C12orf42: variants seen among roughly 807,000 people sequenced by gnomAD.
C12orf42 encodes the protein uncharacterized protein C12orf42.
A neutral mutation model predicts 21.6 loss-of-function variants in C12orf42; 25 were observed. That is an observed-to-expected ratio of 1.16 (90% CI 0.84 to 1.62). The LOEUF (loss-of-function observed/expected upper bound fraction) is 1.62, where lower values mean the gene tolerates loss of function less well. Ranked by LOEUF, C12orf42 falls within the 40% of genes most tolerant of loss-of-function variation. The pLI is 0.00. For missense variants in C12orf42, 483 were observed against 459.3 expected, an observed-to-expected ratio of 1.05 and a Z score of -0.47; for synonymous variants, 174 against 175.0, an observed-to-expected ratio of 0.99 and a Z score of 0.05.
In C12orf42 at chr12:103,280,624, A is replaced by AC. The variant is rs2036054856; in HGVS notation, n.338-3415_338-3414insG. 4.7e-5 allele frequency among the ~76,000 whole-genome samples: 6 copies of AC among 127,744 alleles called. No individual in the cohort carries two copies. In the Admixed American group the frequency reaches 4.9e-4, roughly 10 times the overall value. 83.8% of individuals were successfully genotyped at this position (127,744 alleles called of 152,430 possible). A position where few individuals can be genotyped will look rare whatever the true frequency, so the allele number is the denominator to read the frequency against. ...ACAGAGTGAGACTCCATCTCCACACAAAAAAAATCTTGAATGGTAGGGGAG... is the reference window on the plus strand; with the variant it reads ...ACAGAGTGAGACTCCATCTCCACACACAAAAAAATCTTGAATGGTAGGGGAG... On this transcript the variant is annotated intron_variant and non_coding_transcript_variant, in intron 4 of 6. Transcript: ENST00000546526.
chr12:103,533,693 T>G, the C12orf42 span, among the ~76,000 whole-genome samples: 2 of 152,250 alleles, frequency 1.3e-5, no homozygotes, highest in Admixed American at 6.5e-5. Context: ...GCAACTTGAT[T>G]TTGGTGATTC....
intron 4 of C12orf42, among the ~76,000 whole-genome samples, chr12:103,318,590 T>C (rs77672017): frequency 0.017 from 2,581 of 152,304 alleles, 96 homozygotes; most frequent in African/African-American, 0.059. Context: ...TGTATTTTCC[T>C]GACAAAGAAT....
At chr12:103,329,460 A>T (rs2041021233) in intron 4 of C12orf42, among the ~76,000 whole-genome samples, 1 of 152,156 alleles carries the variant, frequency 6.6e-6, no homozygotes, top group Non-Finnish European at 1.5e-5. Flanking sequence ...CAACAGATTG[A>T]TAGGTGCAGC....
intron 2 of C12orf42, among the ~76,000 whole-genome samples, chr12:103,438,662 T>C (rs1457894216): frequency 1.3e-5 from 2 of 151,928 alleles, no homozygotes; most frequent in East Asian, 3.8e-4. Flanking sequence ...TCACAGTTGC[T>C]TCAAAGAGAA....
chr12:103,471,528 A>AT (rs1291234613), intron 2 of C12orf42, among the ~76,000 whole-genome samples: 2 of 152,234 alleles, frequency 1.3e-5, no homozygotes, highest in Non-Finnish European at 2.9e-5. Context: ...TAGCATCTTG[A>AT]TTGTATGAGG....
the C12orf42 span, among the ~76,000 whole-genome samples, chr12:103,158,835 G>A: frequency 3.3e-4 from 49 of 149,550 alleles, no homozygotes; most frequent in Middle Eastern, 3.5e-3. Context: ...AGCCGAGATC[G>A]TGCCACTGCA....
At chr12:103,210,917 G>A in the C12orf42 span, among the ~76,000 whole-genome samples, 1 of 152,112 alleles carries the variant, frequency 6.6e-6, no homozygotes, top group South Asian at 2.1e-4. Flanking sequence ...CTTGAGCCCA[G>A]GAGTTCGAGT....
rs367931321 is a variant in C12orf42, at chr12:103,307,872, A to G, written c.260-1527T>C. 1.6e-4 allele frequency among the ~76,000 whole-genome samples: 24 copies of G among 152,274 alleles called. No homozygotes were observed. The South Asian group carries it at 5.0e-3, about 32-fold the overall frequency. ...TGCTGTGAAAGGGATGAAAAGATGC[A>G]AGATTCATTTGCCTTTATCTTATTA... On this transcript the variant is annotated intron_variant, in intron 4 of 5. Coordinates refer to ENST00000548883, the MANE Select transcript of C12orf42 (RefSeq NM_198521.5).
chr12:103,095,176 C>T, the C12orf42 span, among the ~76,000 whole-genome samples: 4 of 152,134 alleles, frequency 2.6e-5, no homozygotes, highest in Non-Finnish European at 5.9e-5. Context: ...TCTATTTCAA[C>T]ACAGCAGCTG....
intron 2 of C12orf42, among the ~76,000 whole-genome samples, chr12:103,426,046 C>T (rs769627171): frequency 9.2e-5 from 14 of 152,158 alleles, no homozygotes; most frequent in Non-Finnish European, 8.8e-5. Context: ...AAAACCAGAA[C>T]GCCTCTTCTC....
downstream of C12orf42, chr12:103,268,292 G>T (rs1482568660): frequency 6.6e-6 from 1 of 151,956 alleles, no homozygotes; most frequent in Non-Finnish European, 1.5e-5. Flanking sequence ...GAAGGCAGGG[G>T]TCCTGTCTCA....
intron 1 of C12orf42, among the ~76,000 whole-genome samples, chr12:103,487,785 T>C (rs748274347): frequency 6.6e-6 from 1 of 152,130 alleles, no homozygotes; most frequent in Non-Finnish European, 1.5e-5. Context: ...AACCCCTCCT[T>C]TTTTTTGCTT....
intron 2 of C12orf42, among the ~76,000 whole-genome samples, chr12:103,433,162 T>C (rs986557512): frequency 2.0e-5 from 3 of 152,188 alleles, no homozygotes; most frequent in African/African-American, 7.2e-5. Context: ...CCTAGCACAA[T>C]TCCTGGCCCT....
chr12:103,228,834 C>T, the C12orf42 span, among the ~76,000 whole-genome samples: 2 of 151,598 alleles, frequency 1.3e-5, no homozygotes, highest in East Asian at 3.9e-4. Flanking sequence ...TGATCTCACC[C>T]TGTGTAGGGT....
chr12:103,307,655 A>G lies in C12orf42; in HGVS notation c.260-1310T>C, dbSNP rs550953092. Among the ~76,000 whole-genome samples, 5 of 152,168 alleles carry G rather than the reference A, an allele frequency of 3.3e-5. No homozygotes were observed. The East Asian group carries it at 7.7e-4, about 24-fold the overall frequency. On this transcript the variant is annotated intron_variant, in intron 4 of 5. Transcript: ENST00000548883. The stretch of plus-strand genomic sequence containing the variant: ...AGAAGCAAATCTGGCTTCTTAGCCA[A>G]TTTGGTAGTGGGTTGGTTATGGGAG...
chr12:103,335,240 T>C (rs886751098), intron 4 of C12orf42, among the ~76,000 whole-genome samples: 1 of 152,018 alleles, frequency 6.6e-6, no homozygotes, highest in African/African-American at 2.4e-5. Context: ...AAGAGGAGAG[T>C]ATAAATTATA....
intron 10 of C12orf42, among the ~76,000 whole-genome samples, chr12:103,250,305 T>C (rs539027064): frequency 6.6e-6 from 1 of 152,202 alleles, no homozygotes; most frequent in African/African-American, 2.4e-5. Flanking sequence ...CTCTCTTCCA[T>C]GTTGGCTCCT....
chr12:103,298,482 C>A (rs541366835), downstream of C12orf42, among the ~76,000 whole-genome samples: 1 of 152,156 alleles, frequency 6.6e-6, no homozygotes, highest in Non-Finnish European at 1.5e-5. Context: ...AAGAACATTC[C>A]ATGCTCATGG....
At chr12:103,521,431 C>A in the C12orf42 span, among the ~76,000 whole-genome samples, 1 of 152,124 alleles carries the variant, frequency 6.6e-6, no homozygotes, top group African/African-American at 2.4e-5. Flanking sequence ...ACCACAGGAA[C>A]AGAAAACCAA....
Sources: allele counts gnomAD v4.1 joint callset (sites outside exome capture counted in the v4.1 genomes callset), GRCh38; gene constraint gnomAD v4.1.1; transcripts MANE v1.5; gene names NCBI Gene and HGNC (gene_info 2026-07-23, HGNC 2026-07-21).